The following LRIG3 variants were observed in gnomAD, a reference collection of about 807,000 sequenced individuals.
LRIG3 encodes the protein leucine-rich repeats and immunoglobulin-like domains protein 3.
Under a neutral mutation model 114.5 loss-of-function variants are expected in LRIG3, and 76 were observed. The ratio of observed to expected loss-of-function variants is 0.66; its 90% CI spans 0.55 to 0.80. The LOEUF (loss-of-function observed/expected upper bound fraction) is 0.80, where lower values mean the gene tolerates loss of function less well. LRIG3 is among the 30% of genes least tolerant of loss of function. LRIG3 has a pLI of 0.00. For missense variants in LRIG3, 1,239 were observed against 1,382.8 expected (o/e 0.90, Z 1.65); for synonymous variants, 512 against 519.8 (o/e 0.98, Z 0.20).
rs140062850 is a variant in LRIG3 at position 58,882,970 on chromosome 12, G to A, written c.1379C>T (p.Ala460Val). ...TACAAAGCTCTGAAAGTTGTTTTCCGCCACCCACTGTGGGAGCCATTTTAG... is the reference window on the plus strand; with the variant it reads ...TACAAAGCTCTGAAAGTTGTTTTCCACCACCCACTGTGGGAGCCATTTTAG... ...CQLKWLPQWV[A>V]ENNFQSFVNA... Residue 460 changes from alanine (A) to valine (V), a missense_variant, in exon 12 of 19, where the codon GCG becomes GTG. Physicochemically the swap from Ala to Val is moderately conservative, Grantham distance 64. Coordinates refer to ENST00000320743, the MANE Select transcript of LRIG3 (RefSeq NM_153377.5). 4.0e-4 allele frequency: 650 copies of A among 1,614,034 alleles called. 3 individuals are homozygous for A. The highest frequency in any genetic ancestry group is 4.9e-4 in the Non-Finnish European group (578 of 1,179,936).
intron 10 of LRIG3, among the ~76,000 whole-genome samples, chr12:58,885,539 T>G (rs1871248583): frequency 2.0e-5 from 3 of 152,162 alleles, no homozygotes; most frequent in African/African-American, 7.2e-5. Flanking sequence ...TTTGTTTTTT[T>G]TTTAATTAAA....
chr12:58,878,791 T>G, intron 14 of LRIG3, 33 bp downstream of exon 14: 1 of 1,592,780 alleles, frequency 6.3e-7, no homozygotes, highest in African/African-American at 1.3e-5. Flanking sequence ...TCAAGACTGA[T>G]TTATACTACA....
intron 13 of LRIG3, 72 bp downstream of exon 13, chr12:58,880,509 A>G (rs1486398954): frequency 1.4e-6 from 2 of 1,447,630 alleles, no homozygotes; most frequent in Non-Finnish European, 1.9e-6. Context: ...GTTAAGATTA[A>G]GAGAGAAAAA....
chr12:58,910,595 G>A lies in LRIG3; in HGVS notation c.383+3387C>T, dbSNP rs149994905. Among the ~76,000 whole-genome samples, 1,171 of 152,090 alleles carry A rather than the reference G, an allele frequency of 7.7e-3. 7 individuals carry two copies. The highest frequency in any genetic ancestry group is 0.013 in the South Asian group (64 of 4,826). ...TGCACTCCAGCCTGGGTGACACTGC[G>A]AGACTCCGTCTCAAAAAAAAACAAA... On this transcript the variant is annotated intron_variant, in intron 3 of 18. Transcript: ENST00000320743.
chr12:58,888,566 A>AT, intron 6 of LRIG3, 94 bp from the exon 7 acceptor site: 1 of 1,483,768 alleles, frequency 6.7e-7, no homozygotes, highest in African/African-American at 1.4e-5. Flanking sequence ...ACAGATTCCT[A>AT]TTGTTATTAG....
chr12:58,879,697 A>C (rs1382760399), intron 13 of LRIG3, among the ~76,000 whole-genome samples: 2 of 152,234 alleles, frequency 1.3e-5, no homozygotes, highest in Non-Finnish European at 2.9e-5. Flanking sequence ...CACACAAAGC[A>C]AACAAGAATA....
intron 1 of LRIG3, among the ~76,000 whole-genome samples, chr12:58,917,905 C>T (rs1872538464): frequency 6.6e-6 from 1 of 152,162 alleles, no homozygotes; most frequent in South Asian, 2.1e-4. Context: ...TTTTAGACCA[C>T]CTATTCTAAA....
At chr12:58,890,288 T>A in intron 4 of LRIG3, 149 bp from the exon 5 acceptor site, 1 of 865,228 alleles carries the variant, frequency 1.2e-6, no homozygotes, top group Non-Finnish European at 1.7e-6. Context: ...GGACAGATGT[T>A]AAGATTCACA....
At chr12:58,886,969 G>T in intron 8 of LRIG3, 79 bp from the exon 9 acceptor site, 1 of 1,081,214 alleles carries the variant, frequency 9.2e-7, no homozygotes, top group Non-Finnish European at 1.4e-6. Context: ...CATATCATTT[G>T]TAAAAAATTT....
chr12:58,890,876 T>G, intron 3 of LRIG3, 80 bp from the exon 4 acceptor site: 1 of 1,415,260 alleles, frequency 7.1e-7, no homozygotes, highest in South Asian at 1.4e-5. Context: ...TATTCCTGAC[T>G]GGTTCTTCAG....
intron 3 of LRIG3, among the ~76,000 whole-genome samples, chr12:58,911,140 G>A (rs1229210455): frequency 6.6e-6 from 1 of 152,194 alleles, no homozygotes; most frequent in African/African-American, 2.4e-5. Context: ...GTCTATTCAG[G>A]CCTTGTGCAT....
intron 16 of LRIG3, among the ~76,000 whole-genome samples, chr12:58,875,109 T>A (rs1311609863): frequency 6.6e-6 from 1 of 152,014 alleles, no homozygotes; most frequent in Non-Finnish European, 1.5e-5. Context: ...CAGCAAGAGG[T>A]GGTGGGCTGA....
chr12:58,897,877 C>G (rs1164499375), intron 3 of LRIG3, among the ~76,000 whole-genome samples: 4 of 152,104 alleles, frequency 2.6e-5, no homozygotes. Context: ...TTTCACATAT[C>G]GGACCATTGA....
chr12:58,901,439 T>C (rs1871845058), intron 3 of LRIG3, among the ~76,000 whole-genome samples: 1 of 152,192 alleles, frequency 6.6e-6, no homozygotes, highest in Non-Finnish European at 1.5e-5. Flanking sequence ...AGACTTGCAT[T>C]TTCCAGTATA....
chr12:58,887,957 A>G (rs1433331109), intron 7 of LRIG3, 25 bp from the exon 8 acceptor site: 1 of 1,600,446 alleles, frequency 6.2e-7, no homozygotes, highest in Non-Finnish European at 8.5e-7. Context: ...GAGAAAAGCA[A>G]TAGCTTTTAT....
intron 9 of LRIG3, 85 bp downstream of exon 9, chr12:58,886,722 CATG>C (rs1871287050): frequency 7.5e-6 from 8 of 1,065,994 alleles, no homozygotes; most frequent in African/African-American, 1.6e-5. Context: ...CTCATCTCTT[CATG>C]ATGTCAACTT....
chr12:58,885,532 G>GT (rs930363574), intron 10 of LRIG3, among the ~76,000 whole-genome samples: 139 of 146,748 alleles, frequency 9.5e-4, no homozygotes, highest in African/African-American at 2.6e-3. Context: ...CTAGTAGTTT[G>GT]TTTTTTTTTT....
At chr12:58,904,491 A>C (rs1871987208) in intron 3 of LRIG3, among the ~76,000 whole-genome samples, 1 of 152,196 alleles carries the variant, frequency 6.6e-6, no homozygotes, top group Admixed American at 6.5e-5. Context: ...ATGAGGGAAT[A>C]GTGTGGGTTC....
chr12:58,919,435 A>G, intron 1 of LRIG3: 1 of 1,551,436 alleles, frequency 6.4e-7, no homozygotes, highest in Non-Finnish European at 8.7e-7. Flanking sequence ...ACGGTCTGCT[A>G]ATGTGAAAAA....
Sources: allele counts gnomAD v4.1 joint callset (sites outside exome capture counted in the v4.1 genomes callset), GRCh38; gene constraint gnomAD v4.1.1; transcripts MANE v1.5; gene names NCBI Gene and HGNC (gene_info 2026-07-23, HGNC 2026-07-21).